Variants in AQR observed in about 807,000 individuals in gnomAD.
The protein encoded by AQR is RNA helicase aquarius.
Under a neutral mutation model 180.5 loss-of-function variants are expected in AQR, and 61 were observed. The ratio of observed to expected loss-of-function variants is 0.34; its 90% CI spans 0.28 to 0.42. AQR has a LOEUF of 0.42. Among genes scored for constraint, AQR ranks in the 10% least tolerant of loss-of-function variants. The pLI is 1.00. For missense variants in AQR, 1,281 were observed against 1,798.3 expected (o/e 0.71, Z 5.20); for synonymous variants, 551 against 588.8 (o/e 0.94, Z 0.93).
intron 5 of AQR, among the ~76,000 whole-genome samples, chr15:34,946,612 C>T (rs1894124299): frequency 6.8e-6 from 1 of 146,734 alleles, no homozygotes; most frequent in African/African-American, 2.5e-5. Flanking sequence ...GCCAGCCGCC[C>T]CATCCGGGAG....
chr15:34,913,411 T>C (rs754464634), intron 16 of AQR, among the ~76,000 whole-genome samples: 52 of 152,164 alleles, frequency 3.4e-4, no homozygotes, highest in Non-Finnish European at 6.9e-4. Flanking sequence ...TCAAGATACA[T>C]GAAACAGAAA....
chr15:34,896,845 A>G (rs1893252059), intron 22 of AQR, 52 bp downstream of exon 22: 3 of 1,505,478 alleles, frequency 2.0e-6, no homozygotes, highest in Non-Finnish European at 9.2e-7. Context: ...GTGAAACTCC[A>G]TCTCAGAAAA....
chr15:34,911,745 T>C (rs1021843394), intron 16 of AQR, among the ~76,000 whole-genome samples: 4 of 152,184 alleles, frequency 2.6e-5, no homozygotes, highest in Non-Finnish European at 5.9e-5. Context: ...AAGGCTGCCT[T>C]TTCATTTTGT....
chr15:34,878,415 ATAGCTCAT>A (rs1234877064), intron 27 of AQR, among the ~76,000 whole-genome samples: 4 of 149,730 alleles, frequency 2.7e-5, no homozygotes, highest in Non-Finnish European at 5.9e-5. Flanking sequence ...AAAAAAGGAG[ATAGCTCAT>A]AAAAAGATCT....
At chr15:34,883,024 T>C (rs1449135190) in intron 26 of AQR, among the ~76,000 whole-genome samples, 2 of 152,090 alleles carry the variant, frequency 1.3e-5, no homozygotes, top group Admixed American at 6.5e-5. Context: ...ATAAAGGTAA[T>C]GTAACATAGA....
chr15:34,927,010 T>C, intron 13 of AQR, 25 bp downstream of exon 13: 2 of 1,377,108 alleles, frequency 1.5e-6, no homozygotes, highest in African/African-American at 1.5e-5. Flanking sequence ...AAAAAAAGAA[T>C]ATATAGTTTT....
chr15:34,899,415 C>T (rs979543987), intron 20 of AQR, among the ~76,000 whole-genome samples: 4 of 151,990 alleles, frequency 2.6e-5, no homozygotes, highest in Non-Finnish European at 5.9e-5. Context: ...CTCGCTCTGT[C>T]TCACCCAGGC....
At chr15:34,960,886 A>G (rs547435394) in intron 2 of AQR, 72 bp from the exon 3 acceptor site, 2 of 542,062 alleles carry the variant, frequency 3.7e-6, no homozygotes, top group African/African-American at 2.0e-5. Context: ...GTTTTTAATG[A>G]GTGAGATTAT....
chr15:34,910,994 CT>C (rs1233207947), intron 16 of AQR, among the ~76,000 whole-genome samples: 1 of 152,072 alleles, frequency 6.6e-6, no homozygotes, highest in African/African-American at 2.4e-5. Context: ...ATGAATTTGC[CT>C]TTTTTAGATT....
chr15:34,912,908 A>G (rs1893521853), intron 16 of AQR, among the ~76,000 whole-genome samples: 1 of 152,214 alleles, frequency 6.6e-6, no homozygotes, highest in Non-Finnish European at 1.5e-5. Flanking sequence ...AAAAAGAGAA[A>G]CTAATTAAAA....
At position 34,854,961 on chromosome 15, in the gene AQR, C is replaced by A. The variant is rs1892567917; in HGVS notation, c.*1831G>T. 6.6e-6 allele frequency: 1 copy of A among 152,188 alleles called. No homozygotes were observed. The highest frequency in any genetic ancestry group is 2.4e-5 in the African/African-American group (1 of 41,454). 9.4% of individuals were successfully genotyped at this position (152,188 alleles called of 1,614,324 possible). Reference sequence around the variant, plus strand: ...CAAATATTTACAAATGAAAATAATTCTATGAGTGCGATTCCCCATACAGAT... The same window carrying A: ...CAAATATTTACAAATGAAAATAATTATATGAGTGCGATTCCCCATACAGAT... On this transcript the variant is annotated 3_prime_UTR_variant, in exon 35 of 35. Transcript: ENST00000156471.
At chr15:34,904,597 A>G in intron 18 of AQR, 92 bp from the exon 19 acceptor site, 1 of 1,270,328 alleles carries the variant, frequency 7.9e-7, no homozygotes, top group South Asian at 1.5e-5. Context: ...AATGGTGAGT[A>G]AATGGTTCAG....
At chr15:34,867,657 A>T (rs1892755562) in intron 31 of AQR, 48 bp from the exon 32 acceptor site, 1 of 1,300,420 alleles carries the variant, frequency 7.7e-7, no homozygotes, top group African/African-American at 1.5e-5. Context: ...AAGCCAAAAG[A>T]CACTAGAGAT....
At chr15:34,881,894 C>A (rs1242995374) in intron 27 of AQR, among the ~76,000 whole-genome samples, 1 of 152,186 alleles carries the variant, frequency 6.6e-6, no homozygotes, top group Non-Finnish European at 1.5e-5. Context: ...CAACCTCTGC[C>A]TCCTGAGTTC....
chr15:34,910,525 T>C (rs755566503), intron 16 of AQR, among the ~76,000 whole-genome samples: 1 of 151,972 alleles, frequency 6.6e-6, no homozygotes, highest in Non-Finnish European at 1.5e-5. Context: ...TATGATAGCA[T>C]GAAACAGGCA....
At chr15:34,864,169 T>C (rs894635272) in intron 32 of AQR, among the ~76,000 whole-genome samples, 2 of 148,426 alleles carry the variant, frequency 1.3e-5, no homozygotes, top group East Asian at 2.1e-4. Context: ...TCATTTTTTA[T>C]GGTTTTTTTT....
In AQR at chr15:34,874,680, G is replaced by A. The variant is rs1387225498; in HGVS notation, c.3422C>T (p.Ala1141Val). The change falls in exon 29 of 35, where the codon GCA becomes GTA. Residue 1141 changes from alanine (A) to valine (V), a missense_variant. Ala to Val is a moderately conservative substitution (Grantham distance 64). Transcript: ENST00000156471. ...TTTTTTTTCCTGTCTCTTTTACCTT[G>A]CTCTGGCTCTCCCTTGAGCATCAAG... is the stretch of plus-strand genomic sequence containing the variant. ...VDLDAQGRAR[A>V]SLCNLYNWRY... 6.2e-7 allele frequency: 1 copy of A among 1,612,676 alleles called. No individual in the cohort carries two copies. Among genetic ancestry groups the A allele is most frequent in the Non-Finnish European group, 8.5e-7 (1 of 1,179,328 alleles).
chr15:34,963,883 C>T (rs976463481), intron 2 of AQR, among the ~76,000 whole-genome samples: 2 of 151,772 alleles, frequency 1.3e-5, no homozygotes, highest in African/African-American at 4.9e-5. Flanking sequence ...CAGATGGTCT[C>T]GATCTCCTGA....
intron 15 of AQR, among the ~76,000 whole-genome samples, chr15:34,916,883 A>C (rs1421097430): frequency 1.2e-5 from 1 of 80,258 alleles, no homozygotes; most frequent in African/African-American, 4.3e-5. Flanking sequence ...TCAGCAGAAC[A>C]AAAAAAAAAA....
Sources: gnomAD v4.1 joint callset for allele counts (sites outside exome capture counted in the v4.1 genomes callset) on GRCh38, gnomAD v4.1.1 for gene constraint, MANE v1.5 for transcripts, NCBI Gene and HGNC (gene_info 2026-07-23, HGNC 2026-07-21) for gene names.